Variants in HIRA observed in about 807,000 individuals in gnomAD.
HIRA encodes protein HIRA.
Under a neutral mutation model 126.6 loss-of-function variants are expected in HIRA, and 13 were observed. The observed-to-expected ratio is 0.10, with a 90% CI of 0.07 to 0.16. The LOEUF (loss-of-function observed/expected upper bound fraction) is 0.16. Ranked by LOEUF, HIRA falls within the 10% of genes least tolerant of loss-of-function variation. HIRA has a pLI of 1.00. For synonymous variants in HIRA, 511 were observed against 520.0 expected (o/e 0.98, Z 0.24); for missense variants, 834 against 1,314.4 (o/e 0.63, Z 5.65).
At chr22:19,398,123 ACCTGGTGATG>A in intron 5 of HIRA, 36 bp from the exon 6 acceptor site, 1 of 1,500,946 alleles carries the variant, frequency 6.7e-7, no homozygotes, top group South Asian at 1.1e-5. Context: ...GAGATCTCTT[ACCTGGTGATG>A]CCCTTGTCTA....
At chr22:19,388,197 G>A (rs190796602) in intron 10 of HIRA, among the ~76,000 whole-genome samples, 1 of 152,312 alleles carries the variant, frequency 6.6e-6, no homozygotes, top group African/African-American at 2.4e-5. Flanking sequence ...ATGCACTGAC[G>A]GAGTAAAGTG....
At chr22:19,364,684 A>G (rs1404487454) in intron 15 of HIRA, among the ~76,000 whole-genome samples, 3 of 152,134 alleles carry the variant, frequency 2.0e-5, no homozygotes, top group Non-Finnish European at 4.4e-5. Context: ...TGCTCCACCA[A>G]CTGGTTGTTC....
intron 24 of HIRA, among the ~76,000 whole-genome samples, chr22:19,334,043 C>T (rs369507189): frequency 6.1e-4 from 92 of 150,934 alleles, no homozygotes; most frequent in African/African-American, 2.2e-3. Context: ...GGTGTGATCT[C>T]GGCTCACTGC....
chr22:19,431,248 C>G (rs1269053889), intron 1 of HIRA, among the ~76,000 whole-genome samples, 192 bp downstream of exon 1: 1 of 152,304 alleles, frequency 6.6e-6, no homozygotes, highest in African/African-American at 2.4e-5. Context: ...CTGCGGTCAA[C>G]CCGGAGCACG....
intron 24 of HIRA, among the ~76,000 whole-genome samples, 160 bp from the exon 25 acceptor site, chr22:19,331,716 T>C (rs2088489552): frequency 6.6e-6 from 1 of 152,174 alleles, no homozygotes; most frequent in Non-Finnish European, 1.5e-5. Flanking sequence ...GGGGCAAATG[T>C]GCAGGATGAA....
At chr22:19,348,504 T>G (rs1453711441) in intron 24 of HIRA, among the ~76,000 whole-genome samples, 1 of 152,056 alleles carries the variant, frequency 6.6e-6, no homozygotes, top group Non-Finnish European at 1.5e-5. Context: ...CAGCTGATTT[T>G]TTTTTTTTTG....
intron 15 of HIRA, among the ~76,000 whole-genome samples, chr22:19,371,486 AT>A (rs755695739): frequency 3.3e-5 from 5 of 152,250 alleles, no homozygotes; most frequent in Admixed American, 2.0e-4. Flanking sequence ...TGAGATATAT[AT>A]ATCATAAACT....
At chr22:19,411,575 G>A (rs1485002387) in intron 1 of HIRA, among the ~76,000 whole-genome samples, 1 of 152,240 alleles carries the variant, frequency 6.6e-6, no homozygotes, top group African/African-American at 2.4e-5. Context: ...TGGCATGTCA[G>A]TTGCTGTTGA....
intron 1 of HIRA, among the ~76,000 whole-genome samples, chr22:19,417,579 G>A (rs550605147): frequency 3.7e-4 from 56 of 152,158 alleles, no homozygotes; most frequent in Non-Finnish European, 6.3e-4. Context: ...CCAAGATCCC[G>A]CCACTGCACT....
chr22:19,407,292 TAAG>T lies in HIRA; in HGVS notation c.212-21_212-19del, dbSNP rs1359617592. 1 of 1,592,826 alleles carries T rather than the reference TAAG, an allele frequency of 6.3e-7. No homozygotes were observed. Among genetic ancestry groups the T allele is most frequent in the Non-Finnish European group, 8.6e-7 (1 of 1,161,578 alleles). On this transcript the variant is annotated intron_variant, in intron 3 of 24. Coordinates refer to ENST00000263208, the MANE Select transcript of HIRA (RefSeq NM_003325.4). ...CACACATGCTGGGAAGAAAAAAAAATAAGGTGATGAAAATCCAGTAGTCATGCC... is the reference window on the plus strand; with the variant it reads ...CACACATGCTGGGAAGAAAAAAAAATGTGATGAAAATCCAGTAGTCATGCC...
chr22:19,346,078 T>G (rs2088683470), intron 24 of HIRA, among the ~76,000 whole-genome samples: 2 of 152,234 alleles, frequency 1.3e-5, no homozygotes, highest in South Asian at 4.1e-4. Context: ...CTTAAGCATG[T>G]GAAATGATGC....
At chr22:19,340,035 C>T (rs1415118097) in intron 24 of HIRA, among the ~76,000 whole-genome samples, 3 of 152,098 alleles carry the variant, frequency 2.0e-5, no homozygotes, top group African/African-American at 7.2e-5. Flanking sequence ...GCCAGTATCA[C>T]CCTAATACCA....
At chr22:19,417,362 G>A (rs1287731999) in intron 1 of HIRA, among the ~76,000 whole-genome samples, 1 of 151,512 alleles carries the variant, frequency 6.6e-6, no homozygotes, top group Non-Finnish European at 1.5e-5. Flanking sequence ...GGTGGCTCAT[G>A]CCTGTAATCC....
intron 16 of HIRA, 81 bp downstream of exon 16, chr22:19,361,646 G>T: frequency 7.0e-7 from 1 of 1,426,464 alleles, no homozygotes; most frequent in Non-Finnish European, 9.8e-7. Flanking sequence ...CCCAGCTGAG[G>T]CTTACCATGC....
At chr22:19,395,346 C>G (rs1601842470) in intron 7 of HIRA, among the ~76,000 whole-genome samples, 1 of 152,126 alleles carries the variant, frequency 6.6e-6, no homozygotes, top group South Asian at 2.1e-4. Flanking sequence ...CCACCCCCTA[C>G]CTGGAAGGAT....
Position 19,383,650 on chromosome 22 carries a change from G to A in HIRA, c.1385C>T (p.Thr462Met), listed in dbSNP as rs777721953. Residue 462 changes from threonine to methionine, a missense_variant, in exon 13 of 25, where the codon ACG (threonine) becomes ATG (methionine). Physicochemically the swap from Thr to Met is moderately conservative, Grantham distance 81. Around this residue, in one of 5 missense-constraint regions of HIRA, gnomAD observed 153 missense variants for 270.6 expected, o/e 0.57. Transcript: ENST00000263208. The part of the protein sequence containing the change: ...TRTADGRRRI[T>M]PLCIAQLDTG... Reference sequence around the variant, plus strand: ...GTCCAGCTGTGCTATGCAGAGAGGCGTGATTCTTCTCCGGCCATCTGCTGT... The same window carrying A: ...GTCCAGCTGTGCTATGCAGAGAGGCATGATTCTTCTCCGGCCATCTGCTGT... The A allele has an allele frequency of 3.1e-6, 5 of 1,614,090 alleles. No homozygotes were observed. The highest frequency in any genetic ancestry group is 4.2e-6 in the Non-Finnish European group (5 of 1,179,924).
chr22:19,386,115 T>G (rs1026255842), intron 11 of HIRA, among the ~76,000 whole-genome samples: 29 of 152,218 alleles, frequency 1.9e-4, no homozygotes, highest in Non-Finnish European at 4.1e-4. Flanking sequence ...CAAATGATTT[T>G]GGGAATCAGA....
chr22:19,400,649 T>TA (rs1398085075), intron 5 of HIRA, among the ~76,000 whole-genome samples: 1 of 151,806 alleles, frequency 6.6e-6, no homozygotes, highest in Non-Finnish European at 1.5e-5. Flanking sequence ...ACCTCCTTTT[T>TA]ATGGTGCATC....
intron 9 of HIRA, among the ~76,000 whole-genome samples, chr22:19,390,252 C>T (rs1470557904): frequency 6.6e-6 from 1 of 152,036 alleles, no homozygotes; most frequent in East Asian, 1.9e-4. Flanking sequence ...TGAGAACCTG[C>T]TCTGTAGAGG....
Sources: gnomAD v4.1 joint callset for allele counts (sites outside exome capture counted in the v4.1 genomes callset) on GRCh38, gnomAD v4.1.1 for gene constraint, gnomAD v4.1.1 regional missense constraint, MANE v1.5 for transcripts, NCBI Gene and HGNC (gene_info 2026-07-23, HGNC 2026-07-21) for gene names.